The following OAS3 variants were observed in gnomAD, a reference collection of about 807,000 sequenced individuals.
OAS3 encodes 2'-5'-oligoadenylate synthetase 3, also known as 2'-5'-oligoadenylate synthase 3.
A neutral mutation model predicts 113.0 loss-of-function variants in OAS3; 107 were observed. The observed-to-expected ratio is 0.95, with a 90% CI of 0.81 to 1.11. OAS3 has a LOEUF of 1.11. Among genes scored for constraint, OAS3 ranks in the 50% most tolerant of loss-of-function variants. The pLI is 0.00. For synonymous variants in OAS3, 552 were observed against 573.6 expected, an observed-to-expected ratio of 0.96 and a Z score of 0.54; for missense variants, 1,258 against 1,389.1, an observed-to-expected ratio of 0.91 and a Z score of 1.50.
Position 112,971,511 on chromosome 12 carries a change from C to G in OAS3, c.*1538C>G, listed in dbSNP as rs2043983924. Reference sequence around the variant, plus strand: ...TCCCCAGCAGATGCATCCTGGCCATCTGTTGCGTGGATGAGGGAGTGGGTC... The same window carrying G: ...TCCCCAGCAGATGCATCCTGGCCATGTGTTGCGTGGATGAGGGAGTGGGTC... On this transcript the variant is annotated 3_prime_UTR_variant, in exon 16 of 16. Coordinates refer to ENST00000228928, the MANE Select transcript of OAS3 (RefSeq NM_006187.4). 6.6e-6 allele frequency: 1 copy of G among 152,336 alleles called. No homozygotes were observed. The highest frequency in any genetic ancestry group is 1.5e-5 in the Non-Finnish European group (1 of 68,138). 9.4% of individuals were successfully genotyped at this position (152,336 alleles called of 1,614,324 possible).
At chr12:112,969,390 G>A (rs2043963622) in intron 14 of OAS3, 1 of 597,928 alleles carries the variant, frequency 1.7e-6, no homozygotes, top group African/African-American at 1.9e-5. Context: ...CACCGTGGTT[G>A]ATTAGTAATG....
chr12:112,949,741 G>A (rs1045628013), intron 6 of OAS3, among the ~76,000 whole-genome samples: 2 of 152,028 alleles, frequency 1.3e-5, no homozygotes, highest in African/African-American at 2.4e-5. Context: ...AGTCTTGCCC[G>A]GGCACGGTGG....
chr12:112,964,373 C>T lies in OAS3; in HGVS notation c.2368C>T (p.Arg790Trp), dbSNP rs761973254. 17 of 1,612,296 alleles carry T rather than the reference C, an allele frequency of 1.1e-5. No homozygotes were observed. Among genetic ancestry groups the T allele is most frequent in the Admixed American group, 8.4e-5 (5 of 59,838 alleles). Residue 790 changes from arginine (R) to tryptophan (W), a missense_variant, in exon 11 of 16, where the codon CGG (arginine) becomes TGG (tryptophan). Physicochemically the swap from Arg to Trp is moderately radical, Grantham distance 101. Coordinates refer to ENST00000228928, the MANE Select transcript of OAS3 (RefSeq NM_006187.4). Reference protein sequence around the residue: ...ICSFLKENCFRNSPIKVIKVV... With the variant: ...ICSFLKENCFWNSPIKVIKVV... ...TTCATTTTTGAAGGAAAACTGCTTC[C>T]GGAATTCTCCCATCAAAGTGATCAA...
chr12:112,964,716 T>G (rs1001416351), intron 11 of OAS3, among the ~76,000 whole-genome samples: 3 of 152,010 alleles, frequency 2.0e-5, no homozygotes, highest in Non-Finnish European at 2.9e-5. Context: ...CCAGGCAGCA[T>G]CATCAGGACT....
In OAS3 at chr12:112,967,447, T is replaced by A. The variant is rs765209759; in HGVS notation, c.2719T>A (p.Ser907Thr). 1.9e-6 allele frequency: 3 copies of A among 1,613,294 alleles called. No homozygotes were observed. Among genetic ancestry groups the A allele is most frequent in the South Asian group, 2.2e-5 (2 of 90,786 alleles). ...GQLVSGSRPS[S>T]QVYVDLIHSY... ...GCTGGTCTCTGGCTCCAGGCCCAGC[T>A]CTCAAGTCTACGTCGACCTCATCCA... Residue 907 changes from serine to threonine, a missense_variant, in exon 13 of 16, where the codon TCT becomes ACT. By Grantham distance (58) the Ser-to-Thr change is moderately conservative. Coordinates refer to ENST00000228928, the MANE Select transcript of OAS3 (RefSeq NM_006187.4).
chr12:112,947,878 G>T, intron 4 of OAS3, 68 bp from the exon 5 acceptor site: 1 of 1,400,402 alleles, frequency 7.1e-7, no homozygotes. Context: ...GATGCGATTG[G>T]AACCAGGTCC....
At position 112,947,955 on chromosome 12, in the gene OAS3, C is replaced by T; in HGVS notation, c.885C>T (p.Ile295=). ...QRQLKRPRPV[I]LDPADPTWDL... ...CTCTCTGAAATTGCAGGCCTGTGATCCTGGACCCAGCTGACCCCACATGGG... is the reference window on the plus strand; with the variant it reads ...CTCTCTGAAATTGCAGGCCTGTGATTCTGGACCCAGCTGACCCCACATGGG... The change falls in exon 5 of 16, where the codon ATC becomes ATT. Residue 295 remains isoleucine, a synonymous_variant. Transcript: ENST00000228928. 1 of 1,595,882 alleles carries T rather than the reference C, an allele frequency of 6.3e-7. No homozygotes were observed. The highest frequency in any genetic ancestry group is 1.8e-5 in the Admixed American group (1 of 56,874).
At chr12:112,966,621 G>T (rs1299251512) in intron 12 of OAS3, among the ~76,000 whole-genome samples, 1 of 152,180 alleles carries the variant, frequency 6.6e-6, no homozygotes, top group Non-Finnish European at 1.5e-5. Context: ...TGAGGGAGCA[G>T]GTGGCCAAGG....
intron 7 of OAS3, among the ~76,000 whole-genome samples, chr12:112,960,692 T>C (rs1034048965): frequency 6.6e-6 from 1 of 152,148 alleles, no homozygotes; most frequent in African/African-American, 2.4e-5. Context: ...GAGGTAAAAA[T>C]CACACAGCTT....
chr12:112,942,271 C>T (rs557783675), intron 2 of OAS3: 19 of 356,148 alleles, frequency 5.3e-5, no homozygotes, highest in African/African-American at 3.4e-4. Flanking sequence ...TGTTCTCCTT[C>T]GTAATACACG....
intron 2 of OAS3, 33 bp downstream of exon 2, chr12:112,941,885 G>A (rs749997297): frequency 1.9e-6 from 3 of 1,613,772 alleles, no homozygotes; most frequent in South Asian, 1.1e-5. Context: ...CAGGGTTGGG[G>A]GCAAAAGATC....
intron 14 of OAS3, among the ~76,000 whole-genome samples, chr12:112,969,039 A>G (rs1161667498): frequency 1.3e-5 from 2 of 152,236 alleles, no homozygotes; most frequent in East Asian, 3.8e-4. Flanking sequence ...TGGAAAGAGT[A>G]GGCTAACCAG....
chr12:112,950,968 T>C lies in OAS3; in HGVS notation c.1650T>C (p.Asp550=), dbSNP rs759523838. ...ATGTTAGCCTGCTGCCTGCCTTCGA[T>C]GCTGTGGGTGAGGGCGCCCAGCCTG... ...WTDVSLLPAF[D]AVGQLSSGTK... The change falls in exon 7 of 16, where the codon GAT becomes GAC. Residue 550 remains aspartate (D), a synonymous_variant. Transcript: ENST00000228928. The C allele has an allele frequency of 1.2e-6, 2 of 1,612,676 alleles. No individual in the cohort carries two copies. The highest frequency in any genetic ancestry group is 2.2e-5 in the South Asian group (2 of 91,062).
intron 3 of OAS3, chr12:112,945,461 T>A (rs2043719870): frequency 6.5e-6 from 1 of 152,992 alleles, no homozygotes; most frequent in South Asian, 2.1e-4. Context: ...ATGAGGTATA[T>A]GCGGAGTTGG....
Position 112,963,040 on chromosome 12 carries a change from C to T in OAS3, c.2084+138C>T. On this transcript the variant is annotated intron_variant, in intron 9 of 15. Coordinates refer to ENST00000228928, the MANE Select transcript of OAS3 (RefSeq NM_006187.4). The surrounding 1 kb of genome is among the most constrained non-coding windows in gnomAD (Gnocchi z 4.6). ...TCCTCACTCTGCTTCCCTCTGGACT[C>T]TTTGCTGAGGAAGTGTGGACATAAG... is the stretch of plus-strand genomic sequence containing the variant. 1 of 1,306,260 alleles carries T rather than the reference C, an allele frequency of 7.7e-7. No homozygotes were observed. The highest frequency in any genetic ancestry group is 1.4e-5 in the South Asian group (1 of 72,616). 80.9% of individuals were successfully genotyped at this position (1,306,260 alleles called of 1,614,324 possible). A position where few individuals can be genotyped will look rare whatever the true frequency, so the allele number is the denominator to read the frequency against.
intron 2 of OAS3, among the ~76,000 whole-genome samples, chr12:112,942,720 GAAAT>G (rs1318937794): frequency 6.7e-6 from 1 of 150,078 alleles, no homozygotes; most frequent in Admixed American, 6.7e-5. Context: ...AAAAAAAAAA[GAAAT>G]AAGAATGTCT....
chr12:112,960,684 G>A (rs949561790), intron 7 of OAS3, among the ~76,000 whole-genome samples: 2 of 152,088 alleles, frequency 1.3e-5, no homozygotes, highest in African/African-American at 4.8e-5. Context: ...GACCCGAAGA[G>A]GTAAAAATCA....
chr12:112,941,939 C>T, intron 2 of OAS3, 87 bp downstream of exon 2: 3 of 1,567,662 alleles, frequency 1.9e-6, no homozygotes, highest in Non-Finnish European at 2.6e-6. Flanking sequence ...CAGCCACCAA[C>T]TTGCTGTTTG....
At chr12:112,957,231 C>G (rs1211984859) in intron 7 of OAS3, among the ~76,000 whole-genome samples, 1 of 152,134 alleles carries the variant, frequency 6.6e-6, no homozygotes, top group Non-Finnish European at 1.5e-5. Flanking sequence ...CTATGTGTGT[C>G]TCTGCATGTG....
Sources: gnomAD v4.1 joint callset for allele counts (sites outside exome capture counted in the v4.1 genomes callset) on GRCh38, gnomAD v4.1.1 for gene constraint, Gnocchi (gnomAD v3.1) non-coding constraint, MANE v1.5 for transcripts, NCBI Gene and HGNC (gene_info 2026-07-23, HGNC 2026-07-21) for gene names.